The following ITSN2 variants were observed in gnomAD, a reference collection of about 807,000 sequenced individuals.
ITSN2 encodes the protein intersectin-2.
A neutral mutation model predicts 243.7 loss-of-function variants in ITSN2; 156 were observed. The ratio of observed to expected loss-of-function variants is 0.64; its 90% CI spans 0.56 to 0.73. The LOEUF is 0.73. Ranked by LOEUF, ITSN2 falls within the 30% of genes least tolerant of loss-of-function variation. The probability of loss-of-function intolerance (pLI) is 0.00; values close to 1 mark genes in which losing one functional copy is unlikely to be tolerated. For missense variants in ITSN2, 1,801 were observed against 1,996.1 expected, an observed-to-expected ratio of 0.90 and a Z score of 1.86; for synonymous variants, 703 against 699.9, an observed-to-expected ratio of 1.00 and a Z score of -0.07.
At chr2:24,224,156 T>C (rs928871649) in intron 29 of ITSN2, among the ~76,000 whole-genome samples, 16 of 152,174 alleles carry the variant, frequency 1.1e-4, no homozygotes, top group African/African-American at 3.9e-4. Context: ...AGGTGATTGA[T>C]GGAGGGAACT....
At chr2:24,227,283 CAAAGTA>C (rs1671128985) in intron 29 of ITSN2, among the ~76,000 whole-genome samples, 2 of 64,414 alleles carry the variant, frequency 3.1e-5, no homozygotes, top group South Asian at 1.3e-3. Flanking sequence ...AAGATGAGCT[CAAAGTA>C]AAAAAAAAAA....
chr2:24,320,097 G>A (rs1427801319), intron 2 of ITSN2, among the ~76,000 whole-genome samples: 1 of 152,182 alleles, frequency 6.6e-6, no homozygotes, highest in Non-Finnish European at 1.5e-5. Flanking sequence ...CTTAAGGAGA[G>A]GCCGGACATG....
At position 24,303,827 on chromosome 2, in the gene ITSN2, G is replaced by T; in HGVS notation, c.829C>A (p.Leu277Ile). The change falls in exon 9 of 40, where the codon CTT (leucine) becomes ATT (isoleucine). Residue 277 changes from leucine (L) to isoleucine (I), a missense_variant. Physicochemically the swap from Leu to Ile is conservative, Grantham distance 5 (BLOSUM62 2). Coordinates refer to ENST00000355123, the MANE Select transcript of ITSN2 (RefSeq NM_006277.3). ...QARNALLQSN[L>I]SQTQLATIWT... ...ATAGTAGCCAGCTGAGTTTGAGAAA[G>T]ATTTGACTGAAGAAGGGCATTTCTA... The T allele has an allele frequency of 1.2e-6, 2 of 1,610,480 alleles. No individual in the cohort carries two copies. Among genetic ancestry groups the T allele is most frequent in the Non-Finnish European group, 1.7e-6 (2 of 1,176,710 alleles).
chr2:24,205,539 T>A (rs149394382), intron 37 of ITSN2: 20 of 455,438 alleles, frequency 4.4e-5, no homozygotes, highest in Middle Eastern at 1.3e-3. Context: ...TCCTTCAAGA[T>A]GCAGGTCTGA....
Position 24,204,186 on chromosome 2 carries a change from G to C in ITSN2, c.4936+59C>G. 1 of 1,553,344 alleles carries C rather than the reference G, an allele frequency of 6.4e-7. No individual in the cohort carries two copies. The highest frequency in any genetic ancestry group is 8.9e-7 in the Non-Finnish European group (1 of 1,128,210). ...CACACAGCTGAAGCCCCTAGATCTG[G>C]ACTCCAGGATCTAGGAAACTGGGAA... On this transcript the variant is annotated intron_variant, in intron 39 of 39. Coordinates refer to ENST00000355123, the MANE Select transcript of ITSN2 (RefSeq NM_006277.3). The surrounding 1 kb of genome is among the most constrained non-coding windows in gnomAD (Gnocchi z 5.1).
chr2:24,208,295 C>G lies in ITSN2; in HGVS notation c.4620G>C (p.Lys1540Asn). Residue 1540 changes from lysine (K) to asparagine (N), a missense_variant, in exon 37 of 40, where the codon AAG (lysine) becomes AAC (asparagine). Lys to Asn is a moderately conservative substitution (Grantham distance 94). This residue lies in a region of ITSN2 where 928 missense variants were observed against 1,065.4 expected (regional missense o/e 0.87). Coordinates refer to ENST00000355123, the MANE Select transcript of ITSN2 (RefSeq NM_006277.3). ...TGTCGATGTACTGCTCAGACGCCGC[C>G]TTGATCTTCTGCACCCAGGCGGTCC... ...NERTAWVQKI[K>N]AASEQYIDTE... The G allele has an allele frequency of 1.9e-6, 3 of 1,612,574 alleles. No individual in the cohort carries two copies. Among genetic ancestry groups the G allele is most frequent in the Non-Finnish European group, 2.5e-6 (3 of 1,179,888 alleles).
intron 17 of ITSN2, among the ~76,000 whole-genome samples, chr2:24,278,995 C>T (rs529355516): frequency 2.4e-4 from 37 of 152,220 alleles, no homozygotes; most frequent in East Asian, 1.5e-3. Flanking sequence ...ATCTCTTTTA[C>T]GTTAAGGAAC....
intron 1 of ITSN2, among the ~76,000 whole-genome samples, chr2:24,347,333 G>GGTATAGGAGAT (rs1687626529): frequency 6.6e-6 from 1 of 152,002 alleles, no homozygotes; most frequent in Non-Finnish European, 1.5e-5. Flanking sequence ...TATTACAAAT[G>GGTATAGGAGAT]ACAATTTCAA....
In ITSN2 at chr2:24,298,658, G is replaced by A; in HGVS notation, c.1494+7C>T. On this transcript the variant is annotated splice_region_variant and intron_variant, in intron 13 of 39. Transcript: ENST00000355123. ...TCAGATAAATTTCACTTAAACTTCA[G>A]CCATACCAGTGCTTCCAACTCAAGA... 1 of 1,593,280 alleles carries A rather than the reference G, an allele frequency of 6.3e-7. No homozygotes were observed. The highest frequency in any genetic ancestry group is 8.5e-7 in the Non-Finnish European group (1 of 1,173,690).
intron 31 of ITSN2, among the ~76,000 whole-genome samples, chr2:24,216,487 G>A (rs1183186982): frequency 6.6e-6 from 1 of 152,254 alleles, no homozygotes; most frequent in Non-Finnish European, 1.5e-5. Flanking sequence ...TGGGCACGGT[G>A]GCTCATGCCT....
intron 15 of ITSN2, 115 bp downstream of exon 15, chr2:24,293,573 G>T: frequency 2.2e-6 from 1 of 456,534 alleles, no homozygotes; most frequent in Non-Finnish European, 4.0e-6. Context: ...AAACTTACAG[G>T]CAAAAAGTGT....
At position 24,300,072 on chromosome 2, in the gene ITSN2, T is replaced by C. The variant is rs1558581440; in HGVS notation, c.1181A>G (p.Glu394Gly). 2.5e-6 allele frequency: 4 copies of C among 1,614,216 alleles called. No homozygotes were observed. The highest frequency in any genetic ancestry group is 2.2e-5 in the East Asian group (1 of 44,872). ...TTCCTTTTCTTTCTGGGCTTTACGT[T>C]CTGCCTCCCTTTGTTGCTGCTCCAT... is the stretch of plus-strand genomic sequence containing the variant. Reference protein sequence around the residue: ...ALMEQQQREAERKAQKEKEEW... With the variant: ...ALMEQQQREAGRKAQKEKEEW... Residue 394 changes from glutamate (E) to glycine (G), a missense_variant, in exon 12 of 40, where the codon GAA (glutamate) becomes GGA (glycine). Around this residue, in one of 5 missense-constraint regions of ITSN2, gnomAD observed 787 missense variants for 803.9 expected, o/e 0.98. Transcript: ENST00000355123.
rs184569837 is a variant in ITSN2 at position 24,288,379 on chromosome 2, T to C, written c.1724-2028A>G. ...ATTCTATTTCATAAGTCTGTATGTCTTGTAATTGACAAAAAATTGTATATA... is the reference window on the plus strand; with the variant it reads ...ATTCTATTTCATAAGTCTGTATGTCCTGTAATTGACAAAAAATTGTATATA... On this transcript the variant is annotated intron_variant, in intron 15 of 39. Transcript: ENST00000355123. Among the ~76,000 whole-genome samples, 256 of 152,238 alleles carry C rather than the reference T, an allele frequency of 1.7e-3. 3 individuals are homozygous for C. The highest frequency in any genetic ancestry group is 4.5e-3 in the African/African-American group (186 of 41,576).
chr2:24,320,525 C>CA (rs113637557), intron 2 of ITSN2, among the ~76,000 whole-genome samples: 6 of 41,520 alleles, frequency 1.4e-4, no homozygotes, highest in African/African-American at 4.1e-4. Context: ...GACTCCGTCT[C>CA]AAAAAAAAAA....
chr2:24,271,149 G>A lies in ITSN2; in HGVS notation c.2258-381C>T, dbSNP rs1038272853. Reference sequence around the variant, plus strand: ...TAACAGGGAAGTAAAGGACAAAAAGGGGGGTCTCAAAAGATAAGAATAGCA... The same window carrying A: ...TAACAGGGAAGTAAAGGACAAAAAGAGGGGTCTCAAAAGATAAGAATAGCA... On this transcript the variant is annotated intron_variant, in intron 19 of 39. Coordinates refer to ENST00000355123, the MANE Select transcript of ITSN2 (RefSeq NM_006277.3). Among the ~76,000 whole-genome samples, 28 of 152,238 alleles carry A rather than the reference G, an allele frequency of 1.8e-4. 1 individual carries two copies. Among genetic ancestry groups the A allele is most frequent in the Middle Eastern group, 3.4e-3 (1 of 294 alleles).
intron 37 of ITSN2, among the ~76,000 whole-genome samples, chr2:24,206,965 T>C (rs1668957170): frequency 6.6e-6 from 1 of 151,654 alleles, no homozygotes; most frequent in African/African-American, 2.4e-5. Flanking sequence ...GGAGCTCACA[T>C]GGGAAGGCCA....
intron 20 of ITSN2, among the ~76,000 whole-genome samples, chr2:24,263,272 C>A (rs1369223536): frequency 1.3e-5 from 2 of 152,104 alleles, no homozygotes; most frequent in Non-Finnish European, 2.9e-5. Flanking sequence ...TAGTAGAAAT[C>A]ACTTAACTCA....
chr2:24,358,819 T>C, intron 1 of ITSN2, among the ~76,000 whole-genome samples: 1 of 152,234 alleles, frequency 6.6e-6, no homozygotes, highest in Non-Finnish European at 1.5e-5. Context: ...ATCAAGATTT[T>C]AGCCTTGAGA....
At chr2:24,223,173 C>T (rs2543666) in intron 29 of ITSN2, among the ~76,000 whole-genome samples, 117,722 of 152,072 alleles carry the variant, frequency 0.77, 45,828 homozygotes, top group East Asian at 0.85. Flanking sequence ...AGAGCGAAGG[C>T]GCACCCTGCA....
Sources: allele counts gnomAD v4.1 joint callset (sites outside exome capture counted in the v4.1 genomes callset), GRCh38; gene constraint gnomAD v4.1.1; regional missense constraint gnomAD v4.1.1; non-coding constraint Gnocchi (gnomAD v3.1); transcripts MANE v1.5; gene names NCBI Gene and HGNC (gene_info 2026-07-23, HGNC 2026-07-21).